The following NFATC3 variants were observed in gnomAD, a reference collection of about 807,000 sequenced individuals.
The protein encoded by NFATC3 is nuclear factor of activated T-cells, cytoplasmic 3.
A neutral mutation model predicts 98.6 loss-of-function variants in NFATC3; 46 were observed. That is an observed-to-expected ratio of 0.47 (90% confidence interval 0.37 to 0.60). The LOEUF is 0.60. Among genes scored for constraint, NFATC3 ranks in the 20% least tolerant of loss-of-function variants. NFATC3 has a pLI of 0.00. For synonymous variants in NFATC3, 512 were observed against 472.2 expected, an observed-to-expected ratio of 1.08 and a Z score of -1.09; for missense variants, 1,256 against 1,295.5, an observed-to-expected ratio of 0.97 and a Z score of 0.47.
chr16:68,173,408 A>G (rs2039554221), intron 5 of NFATC3, among the ~76,000 whole-genome samples: 1 of 152,050 alleles, frequency 6.6e-6, no homozygotes, highest in Admixed American at 6.6e-5. Context: ...CTCTACCAGA[A>G]ATAAAAAAAT....
intron 3 of NFATC3, among the ~76,000 whole-genome samples, chr16:68,152,948 A>G (rs2038415323): frequency 6.6e-6 from 1 of 152,238 alleles, no homozygotes; most frequent in Admixed American, 6.5e-5. Context: ...TGATGCAGTT[A>G]AAACTCAATA....
intron 1 of NFATC3, among the ~76,000 whole-genome samples, chr16:68,108,521 G>A (rs1375285497): frequency 6.6e-6 from 1 of 152,200 alleles, no homozygotes; most frequent in Admixed American, 6.5e-5. Context: ...GATGCCTCTA[G>A]CTGTGTTCTT....
intron 1 of NFATC3, among the ~76,000 whole-genome samples, chr16:68,098,535 C>G (rs2035166480): frequency 1.3e-5 from 2 of 151,952 alleles, no homozygotes; most frequent in Admixed American, 6.6e-5. Flanking sequence ...CTCCTGAGCT[C>G]GTGATCCACC....
intron 9 of NFATC3, among the ~76,000 whole-genome samples, chr16:68,220,140 A>G (rs530999430): frequency 2.0e-5 from 3 of 152,360 alleles, no homozygotes; most frequent in Admixed American, 1.3e-4. Flanking sequence ...AAAGTGTGCC[A>G]GATCCTGTGA....
chr16:68,159,434 T>G (rs1197089062), intron 4 of NFATC3, among the ~76,000 whole-genome samples: 3 of 150,862 alleles, frequency 2.0e-5, no homozygotes, highest in Non-Finnish European at 4.4e-5. Context: ...TTTTTATTTA[T>G]TTTTTTCAAG....
intron 9 of NFATC3, chr16:68,217,980 C>A (rs1171507352): frequency 1.1e-4 from 127 of 1,202,278 alleles, no homozygotes; most frequent in Non-Finnish European, 1.2e-4. Flanking sequence ...AGCAGCCTAC[C>A]ATAGATACCT....
At chr16:68,135,718 A>T (rs1022526578) in intron 3 of NFATC3, among the ~76,000 whole-genome samples, 1 of 152,088 alleles carries the variant, frequency 6.6e-6, no homozygotes, top group Non-Finnish European at 1.5e-5. Context: ...ATTTTTTTAG[A>T]TGATTTAATA....
intron 3 of NFATC3, among the ~76,000 whole-genome samples, chr16:68,150,219 C>T (rs9930636): frequency 6.6e-6 from 1 of 151,974 alleles, no homozygotes; most frequent in Non-Finnish European, 1.5e-5. Flanking sequence ...CAGCCCCACT[C>T]TCAAAAAAAG....
chr16:68,118,352 G>C (rs987976189), intron 1 of NFATC3, among the ~76,000 whole-genome samples: 3 of 152,104 alleles, frequency 2.0e-5, no homozygotes, highest in Non-Finnish European at 2.9e-5. Context: ...GCTTAATGAG[G>C]GCGGGGGACC....
At chr16:68,187,329 A>G (rs2040245377) in intron 8 of NFATC3, among the ~76,000 whole-genome samples, 1 of 152,202 alleles carries the variant, frequency 6.6e-6, no homozygotes, top group Non-Finnish European at 1.5e-5. Context: ...GGGCTTCCTG[A>G]AGGCCGCAGC....
chr16:68,096,360 G>T (rs1179893937), intron 1 of NFATC3, among the ~76,000 whole-genome samples: 1 of 152,174 alleles, frequency 6.6e-6, no homozygotes, highest in Non-Finnish European at 1.5e-5. Context: ...AGAATATGTA[G>T]AAGAAGAGAA....
chr16:68,130,503 G>T (rs1008475265), intron 3 of NFATC3, among the ~76,000 whole-genome samples: 3 of 151,876 alleles, frequency 2.0e-5, no homozygotes, highest in Non-Finnish European at 2.9e-5. Context: ...ATTATTTGGG[G>T]TTTTTTTGGC....
intron 6 of NFATC3, among the ~76,000 whole-genome samples, chr16:68,177,534 C>T (rs2151619282): frequency 6.6e-6 from 1 of 152,174 alleles, no homozygotes; most frequent in East Asian, 1.9e-4. Context: ...TTGGCTTTAT[C>T]AAACCTTTCA....
In NFATC3 at chr16:68,165,898, T is replaced by C. The variant is rs114871457; in HGVS notation, c.1602-945T>C. On this transcript the variant is annotated intron_variant, in intron 4 of 9. Transcript: ENST00000346183. ...TTGCTTTATTCTTCCAATATGTGAA[T>C]AACAAAGGTATTTTGTAGCTTCTGT... is the stretch of plus-strand genomic sequence containing the variant. 5.0e-3 allele frequency among the ~76,000 whole-genome samples: 769 copies of C among 152,360 alleles called. 8 individuals are homozygous for C. The highest frequency in any genetic ancestry group is 0.017 in the African/African-American group (702 of 41,586).
chr16:68,107,193 G>A (rs1030652175), intron 1 of NFATC3, among the ~76,000 whole-genome samples: 1 of 152,152 alleles, frequency 6.6e-6, no homozygotes, highest in Non-Finnish European at 1.5e-5. Context: ...TGTGAATAGT[G>A]CTGCAGTAAA....
chr16:68,226,644 C>A lies in NFATC3; in HGVS notation c.*173C>A. The A allele has an allele frequency of 6.3e-6, 4 of 636,668 alleles. No homozygotes were observed. The highest frequency in any genetic ancestry group is 6.9e-5 in the South Asian group (2 of 28,932). The allele number at this position is 636,668 out of a possible 1,614,324, so 39.4% of individuals were successfully genotyped here. On this transcript the variant is annotated 3_prime_UTR_variant, in exon 10 of 10. Coordinates refer to ENST00000346183, the MANE Select transcript of NFATC3 (RefSeq NM_173165.3). ...GCCTTGGGTAGATTTGGCAAAAGAA[C>A]AGGAGCAGCATAGGCTGTTTGAGCT...
intron 1 of NFATC3, among the ~76,000 whole-genome samples, chr16:68,091,347 A>G (rs1489113866): frequency 3.3e-5 from 5 of 152,310 alleles, no homozygotes; most frequent in Non-Finnish European, 7.4e-5. Context: ...TTCTTTGGCA[A>G]CCAGTAAACT....
chr16:68,197,282 A>G (rs2040718024), intron 9 of NFATC3, among the ~76,000 whole-genome samples: 1 of 151,740 alleles, frequency 6.6e-6, no homozygotes, highest in Admixed American at 6.6e-5. Context: ...ATTTTACTTT[A>G]TTTCATTTTA....
intron 6 of NFATC3, among the ~76,000 whole-genome samples, chr16:68,175,685 G>A (rs536416357): frequency 1.3e-5 from 2 of 151,382 alleles, no homozygotes; most frequent in Non-Finnish European, 2.9e-5. Flanking sequence ...TCAGCCTCCC[G>A]AGTAGCTGGG....
Sources: allele counts gnomAD v4.1 joint callset (sites outside exome capture counted in the v4.1 genomes callset), GRCh38; gene constraint gnomAD v4.1.1; transcripts MANE v1.5; gene names NCBI Gene and HGNC (gene_info 2026-07-23, HGNC 2026-07-21).